The following DOK6 variants were observed in gnomAD, a reference collection of about 807,000 sequenced individuals.
The protein encoded by DOK6 is downstream of tyrosine kinase 6.
A neutral mutation model predicts 44.0 loss-of-function variants in DOK6; 22 were observed. The ratio of observed to expected loss-of-function variants is 0.50; its 90% confidence interval spans 0.36 to 0.71. The LOEUF is 0.71. Ranked by LOEUF, DOK6 falls within the 30% of genes least tolerant of loss-of-function variation. DOK6 has a pLI of 0.00. For missense variants in DOK6, 340 were observed against 416.4 expected (o/e 0.82, Z 1.60); for synonymous variants, 166 against 145.5 (o/e 1.14, Z -1.01).
At chr18:69,730,961 T>A (rs1978380985) in intron 5 of DOK6, among the ~76,000 whole-genome samples, 1 of 152,064 alleles carries the variant, frequency 6.6e-6, no homozygotes, top group Admixed American at 6.6e-5. Context: ...AAATAAAATG[T>A]TAAAAATTAA....
At chr18:69,692,319 A>C (rs1450734567) in intron 4 of DOK6, among the ~76,000 whole-genome samples, 1 of 152,226 alleles carries the variant, frequency 6.6e-6, no homozygotes, top group Non-Finnish European at 1.5e-5. Context: ...ATTAAACACT[A>C]ATCTCTGCCT....
In DOK6 at chr18:69,509,363, C is replaced by T. The variant is rs181781838; in HGVS notation, c.67-55124C>T. Reference sequence around the variant, plus strand: ...ATTTTAAAGCCAGGATATGGCCGGGCGCGGTGGTTCACGCCTGTAATCCCA... The same window carrying T: ...ATTTTAAAGCCAGGATATGGCCGGGTGCGGTGGTTCACGCCTGTAATCCCA... On this transcript the variant is annotated intron_variant, in intron 1 of 7. Coordinates refer to ENST00000382713, the MANE Select transcript of DOK6 (RefSeq NM_152721.6). 5.8e-4 allele frequency among the ~76,000 whole-genome samples: 88 copies of T among 152,270 alleles called. No individual in the cohort carries two copies. The East Asian group carries it at 0.013, about 23-fold the overall frequency.
chr18:69,715,568 G>T (rs1405186956), intron 5 of DOK6, among the ~76,000 whole-genome samples: 1 of 152,200 alleles, frequency 6.6e-6, no homozygotes, highest in East Asian at 1.9e-4. Flanking sequence ...CGAGTGCATT[G>T]TTAACCACAG....
At chr18:69,615,287 C>T (rs1366946237) in intron 3 of DOK6, among the ~76,000 whole-genome samples, 1 of 152,166 alleles carries the variant, frequency 6.6e-6, no homozygotes, top group Non-Finnish European at 1.5e-5. Context: ...AAACATAGTA[C>T]TTCAGTTTCA....
chr18:69,434,954 G>GGGAAGGAAGGAAGGAA lies in DOK6; in HGVS notation c.66+33657_66+33672dup, dbSNP rs1167985373. 4.9e-3 allele frequency among the ~76,000 whole-genome samples: 310 copies of GGGAAGGAAGGAAGGAA among 62,958 alleles called. 8 individuals carry two copies. Among genetic ancestry groups the GGGAAGGAAGGAAGGAA allele is most frequent in the Non-Finnish European group, 8.3e-3 (244 of 29,496 alleles). The allele number at this position is 62,958 out of a possible 152,430, so 41.3% of individuals were successfully genotyped here. On this transcript the variant is annotated intron_variant, in intron 1 of 7. Coordinates refer to ENST00000382713, the MANE Select transcript of DOK6 (RefSeq NM_152721.6). ...AGGGAGGGAGGGAGGGAGGGAGGGAGGGAAGGAAGGAAGGAAGGAAGGAAG... is the reference window on the plus strand; with the variant it reads ...AGGGAGGGAGGGAGGGAGGGAGGGAGGGAAGGAAGGAAGGAAGGAAGGAAGGAAGGAAGGAAGGAAG...
chr18:69,754,322 G>A (rs973788970), intron 6 of DOK6, among the ~76,000 whole-genome samples: 7 of 141,664 alleles, frequency 4.9e-5, no homozygotes, highest in Non-Finnish European at 9.0e-5. Context: ...CCACACTCCA[G>A]CCTGGGCAAC....
intron 3 of DOK6, among the ~76,000 whole-genome samples, chr18:69,615,339 T>C (rs1011606392): frequency 2.6e-5 from 4 of 152,196 alleles, no homozygotes; most frequent in African/African-American, 9.7e-5. Context: ...TCCATTACTT[T>C]GGGGATAATG....
At chr18:69,441,098 T>C (rs1030371304) in intron 1 of DOK6, among the ~76,000 whole-genome samples, 4 of 152,150 alleles carry the variant, frequency 2.6e-5, no homozygotes, top group Non-Finnish European at 4.4e-5. Flanking sequence ...AAATTGTGTG[T>C]GTGTGTATGG....
chr18:69,713,628 CTTTATA>C (rs764024358), intron 5 of DOK6, among the ~76,000 whole-genome samples: 37 of 152,128 alleles, frequency 2.4e-4, no homozygotes, highest in Non-Finnish European at 3.7e-4. Context: ...TTTTTCTGTT[CTTTATA>C]TTTAAGTAAA....
intron 2 of DOK6, among the ~76,000 whole-genome samples, chr18:69,586,816 G>C (rs557744909): frequency 6.6e-6 from 1 of 152,144 alleles, no homozygotes; most frequent in Non-Finnish European, 1.5e-5. Flanking sequence ...GCTCTTGCCC[G>C]AATGGAACTT....
chr18:69,455,174 A>G (rs1192519661), intron 1 of DOK6, among the ~76,000 whole-genome samples: 1 of 125,254 alleles, frequency 8.0e-6, no homozygotes, highest in Admixed American at 8.5e-5. Flanking sequence ...AAAAAAAAAA[A>G]GAAAAGAAAA....
chr18:69,580,878 C>T (rs533749626), intron 2 of DOK6, among the ~76,000 whole-genome samples: 6 of 152,114 alleles, frequency 3.9e-5, no homozygotes, highest in East Asian at 1.9e-4. Flanking sequence ...TTCTACTCTT[C>T]GTTATGAGCT....
At chr18:69,548,240 A>C (rs1019752317) in intron 1 of DOK6, among the ~76,000 whole-genome samples, 1 of 151,342 alleles carries the variant, frequency 6.6e-6, no homozygotes, top group African/African-American at 2.4e-5. Flanking sequence ...GGCGTGAGCC[A>C]CCGCGCCTGC....
At chr18:69,476,751 G>A (rs1980277004) in intron 1 of DOK6, among the ~76,000 whole-genome samples, 1 of 152,134 alleles carries the variant, frequency 6.6e-6, no homozygotes, top group African/African-American at 2.4e-5. Context: ...CTGCAGAGAG[G>A]GCGTGAGAGA....
At position 69,828,882 on chromosome 18, in the gene DOK6, G is replaced by GTATATATATATATACATATATATATATA. The variant is rs1475499795; in HGVS notation, c.857-12361_857-12360insATATATATATATACATATATATATATAT. On this transcript the variant is annotated intron_variant, in intron 7 of 7. Coordinates refer to ENST00000382713, the MANE Select transcript of DOK6 (RefSeq NM_152721.6). ...CCATTATTAATAGCAATACATTTAT[G>GTATATATATATATACATATATATATATA]TGTATATATATATATATAGTATGTA... Among the ~76,000 whole-genome samples, 13 of 25,166 alleles carry GTATATATATATATACATATATATATATA rather than the reference G, an allele frequency of 5.2e-4. 1 individual carries two copies. The South Asian group carries it at 0.023, about 45-fold the overall frequency. The allele number at this position is 25,166 out of a possible 152,430, so 16.5% of individuals were successfully genotyped here.
rs145690834 is a variant in DOK6, at chr18:69,736,975, G to A, written c.600-1990G>A. Among the ~76,000 whole-genome samples the A allele has an allele frequency of 2.9e-3, 438 of 152,318 alleles. 4 individuals carry two copies. Among genetic ancestry groups the A allele is most frequent in the African/African-American group, 1.0e-2 (414 of 41,582 alleles). ...CCAGGGAGGCAGATGCTACTGATCC[G>A]TGGACCATGCTTTGAGGAGCAAGTC... On this transcript the variant is annotated intron_variant, in intron 5 of 7. Transcript: ENST00000382713.
chr18:69,498,432 G>C (rs907344896), intron 1 of DOK6, among the ~76,000 whole-genome samples: 1 of 152,016 alleles, frequency 6.6e-6, no homozygotes, highest in African/African-American at 2.4e-5. Context: ...CCCAGACAGG[G>C]CCATTCTTAT....
intron 1 of DOK6, among the ~76,000 whole-genome samples, chr18:69,463,320 A>G (rs954111095): frequency 6.6e-6 from 1 of 151,556 alleles, no homozygotes; most frequent in Non-Finnish European, 1.5e-5. Flanking sequence ...CCACACATCA[A>G]TCTTGGGAGA....
intron 7 of DOK6, among the ~76,000 whole-genome samples, chr18:69,824,745 G>A (rs1265507330): frequency 6.6e-6 from 1 of 152,192 alleles, no homozygotes; most frequent in Non-Finnish European, 1.5e-5. Flanking sequence ...AGGCTGAAGT[G>A]TTAATGAACA....
Sources: gnomAD v4.1 joint callset for allele counts (sites outside exome capture counted in the v4.1 genomes callset) on GRCh38, gnomAD v4.1.1 for gene constraint, MANE v1.5 for transcripts, NCBI Gene and HGNC (gene_info 2026-07-23, HGNC 2026-07-21) for gene names.